NBPF11: variants seen among roughly 807,000 people sequenced by gnomAD.
NBPF11 encodes the protein NBPF family member NBPF11.
A neutral mutation model predicts 93.9 loss-of-function variants in NBPF11; 72 were observed. That is an observed-to-expected ratio of 0.77 (90% CI 0.63 to 0.93). The LOEUF (loss-of-function observed/expected upper bound fraction) is 0.93, where lower values mean the gene tolerates loss of function less well. NBPF11 is among the 40% of genes least tolerant of loss of function. The pLI is 0.00. For synonymous variants in NBPF11, 224 were observed against 304.9 expected (o/e 0.73, Z 2.76); for missense variants, 705 against 802.2 (o/e 0.88, Z 1.46).
At chr1:148,139,030 G>A (rs1180814941) in intron 2 of NBPF11, among the ~76,000 whole-genome samples, 2 of 151,374 alleles carry the variant, frequency 1.3e-5, no homozygotes, top group East Asian at 3.9e-4. Context: ...GGTGGAGGTT[G>A]CAGTGAGCTG....
rs1248024612 is a variant in NBPF11 at position 148,105,497 on chromosome 1, G to A, written c.2335C>T (p.Pro779Ser). 492 of 1,047,590 alleles carry A rather than the reference G, an allele frequency of 4.7e-4. 57 individuals are homozygous for A. Among genetic ancestry groups the A allele is most frequent in the Non-Finnish European group, 5.9e-4 (416 of 704,096 alleles). The allele number at this position is 1,047,590 out of a possible 1,614,324, so 64.9% of individuals were successfully genotyped here. Reference protein sequence around the residue: ...LSRELLEVVEPEVLQDSLDVI... With the variant: ...LSRELLEVVESEVLQDSLDVI... The stretch of plus-strand genomic sequence containing the variant: ...TCCAGTGAGTCCTGCAAGACTTCAG[G>A]CTCTACTACCTCCAGCAGCTCCCTG... Residue 779 changes from proline (P) to serine (S), a missense_variant, in exon 22 of 24, where the codon CCT (proline) becomes TCT (serine). Coordinates refer to ENST00000682118, the MANE Select transcript of NBPF11 (RefSeq NM_001385469.3).
chr1:148,129,095 T>C (rs1378916205), intron 4 of NBPF11, among the ~76,000 whole-genome samples: 7 of 146,268 alleles, frequency 4.8e-5, no homozygotes, highest in Non-Finnish European at 1.0e-4. Context: ...CACGTGTATA[T>C]ATATATATAA....
At chr1:148,149,055 G>T in intron 1 of NBPF11, 1 of 883,982 alleles carries the variant, frequency 1.1e-6, no homozygotes, top group South Asian at 1.7e-5. Context: ...TTGGCTGAGT[G>T]GGGAGACTGG....
At chr1:148,127,217 C>T (rs2149253230) in intron 4 of NBPF11, 179 bp from the exon 5 acceptor site, 1 of 277,566 alleles carries the variant, frequency 3.6e-6, no homozygotes, top group South Asian at 2.5e-5. Context: ...GGTGCCTCAA[C>T]TCAGAGCTGA....
intron 1 of NBPF11, among the ~76,000 whole-genome samples, chr1:148,150,328 T>A (rs1226222642): frequency 2.0e-5 from 3 of 150,166 alleles, no homozygotes; most frequent in African/African-American, 7.5e-5. Context: ...GGTCTGGAAC[T>A]CCTGGGCTCA....
In NBPF11 at chr1:148,117,000, G is replaced by A. The variant is rs1362688561; in HGVS notation, c.1307-465C>T. 1.1e-4 allele frequency among the ~76,000 whole-genome samples: 16 copies of A among 152,250 alleles called. No homozygotes were observed. The East Asian group carries it at 2.1e-3, about 20-fold the overall frequency. ...TGTTATTCAGGGACATTCTATCCAT[G>A]GGGAGTGCTCCAGTCTGAAGCACTT... On this transcript the variant is annotated intron_variant, in intron 12 of 23. Coordinates refer to ENST00000682118, the MANE Select transcript of NBPF11 (RefSeq NM_001385469.3).
At chr1:148,126,726 C>T (rs1440371611) in intron 5 of NBPF11, 103 bp downstream of exon 5, 31 of 737,156 alleles carry the variant, frequency 4.2e-5, no homozygotes, top group South Asian at 3.5e-4. Flanking sequence ...ATACCCATTT[C>T]TGTTTTCCTA....
At chr1:148,142,729 A>C (rs1672396941) in intron 2 of NBPF11, among the ~76,000 whole-genome samples, 1 of 151,828 alleles carries the variant, frequency 6.6e-6, no homozygotes, top group African/African-American at 2.4e-5. Context: ...AGCCCAGAGC[A>C]GGGCATGGTA....
At chr1:148,132,476 T>A (rs1670567569) in intron 4 of NBPF11, among the ~76,000 whole-genome samples, 1 of 150,080 alleles carries the variant, frequency 6.7e-6, no homozygotes, top group Non-Finnish European at 1.5e-5. Context: ...TTATTCTTGA[T>A]CATTGACATT....
chr1:148,150,780 C>A (rs1648095947), intron 1 of NBPF11, among the ~76,000 whole-genome samples: 1 of 148,892 alleles, frequency 6.7e-6, no homozygotes, highest in African/African-American at 2.5e-5. Context: ...GGCTGGAGTG[C>A]AGTGACAAGA....
chr1:148,118,171 A>G (rs3992654), intron 11 of NBPF11, among the ~76,000 whole-genome samples: 5 of 146,338 alleles, frequency 3.4e-5, no homozygotes, highest in South Asian at 2.2e-4. Context: ...ATGAGGCCAG[A>G]TGCAGATAGG....
At chr1:148,115,381 G>A (rs1666253724) in intron 14 of NBPF11, among the ~76,000 whole-genome samples, 1 of 149,934 alleles carries the variant, frequency 6.7e-6, no homozygotes, top group Non-Finnish European at 1.5e-5. Flanking sequence ...GATGAAAGCT[G>A]AGAGCAGTGA....
chr1:148,124,735 T>C (rs1668684138), intron 6 of NBPF11, among the ~76,000 whole-genome samples, 164 bp downstream of exon 6: 1 of 152,162 alleles, frequency 6.6e-6, no homozygotes, highest in South Asian at 2.1e-4. Flanking sequence ...ACAGAACTTA[T>C]TATTATCCTT....
intron 3 of NBPF11, 110 bp from the exon 4 acceptor site, chr1:148,135,923 G>C (rs1671203279): frequency 1.3e-6 from 1 of 770,002 alleles, no homozygotes; most frequent in Non-Finnish European, 2.2e-6. Flanking sequence ...TGTGGCCTGA[G>C]AGAAGCTCAT....
At chr1:148,146,799 C>G in intron 1 of NBPF11, 1 of 1,613,062 alleles carries the variant, frequency 6.2e-7, no homozygotes. Flanking sequence ...TTGGCCTGGG[C>G]TCCCGCCTCC....
intron 1 of NBPF11, chr1:148,149,320 C>T: frequency 6.3e-7 from 1 of 1,597,114 alleles, no homozygotes; most frequent in South Asian, 1.1e-5. Context: ...AGAAGACCTA[C>T]TGCTTCGACG....
At position 148,139,047 on chromosome 1, in the gene NBPF11, C is replaced by T. The variant is rs1280062108; in HGVS notation, c.-276-1238G>A. 3.8e-4 allele frequency among the ~76,000 whole-genome samples: 57 copies of T among 151,256 alleles called. 1 individual carries two copies. The East Asian group carries it at 7.4e-3, about 20-fold the overall frequency. ...TGGAGGTTGCAGTGAGCTGAGATGG[C>T]GCCGTTGCATTCGAGCCCAAGGAAA... On this transcript the variant is annotated intron_variant, in intron 2 of 23. Coordinates refer to ENST00000682118, the MANE Select transcript of NBPF11 (RefSeq NM_001385469.3).
rs1369547147 is a variant in NBPF11, at chr1:148,108,608, C to A, written c.1900G>T (p.Asp634Tyr). The stretch of plus-strand genomic sequence containing the variant: ...GTTGAATAACATCTATCCAGTGAGT[C>A]CTGCAAGACTTCAGGCTCTTTCTCA... ...LDEKEPEVLQ[D>Y]SLDRCYSTPS... is the part of the protein sequence containing the mutation. The change falls in exon 18 of 24, where the codon GAC becomes TAC. Residue 634 changes from aspartate (D) to tyrosine (Y), a missense_variant. This residue lies in a region of NBPF11 where 97 missense variants were observed against 65.0 expected (regional missense o/e 1.49). Coordinates refer to ENST00000682118, the MANE Select transcript of NBPF11 (RefSeq NM_001385469.3). The A allele has an allele frequency of 6.6e-7, 1 of 1,511,272 alleles. No individual in the cohort carries two copies. Among genetic ancestry groups the A allele is most frequent in the Non-Finnish European group, 9.2e-7 (1 of 1,089,654 alleles). The allele number at this position is 1,511,272 out of a possible 1,614,324, so 93.6% of individuals were successfully genotyped here. A position where few individuals can be genotyped will look rare whatever the true frequency, so the allele number is the denominator to read the frequency against.
At chr1:148,149,959 T>A (rs1470916307) in intron 1 of NBPF11, among the ~76,000 whole-genome samples, 10 of 151,752 alleles carry the variant, frequency 6.6e-5, no homozygotes, top group African/African-American at 1.9e-4. Context: ...TCAGCAAGGA[T>A]GTGGGGTAAC....
Sources: gnomAD v4.1 joint callset for allele counts (sites outside exome capture counted in the v4.1 genomes callset) on GRCh38, gnomAD v4.1.1 for gene constraint, gnomAD v4.1.1 regional missense constraint, MANE v1.5 for transcripts, NCBI Gene and HGNC (gene_info 2026-07-23, HGNC 2026-07-21) for gene names.